RBM47: variants seen among roughly 807,000 people sequenced by gnomAD.
RBM47 encodes RNA binding motif protein 47.
Under a neutral mutation model 47.1 loss-of-function variants are expected in RBM47, and 21 were observed. That is an observed-to-expected ratio of 0.45 (90% CI 0.32 to 0.64). The LOEUF (loss-of-function observed/expected upper bound fraction) is 0.64. RBM47 is among the 30% of genes least tolerant of loss of function. The pLI, the probability that RBM47 is intolerant of heterozygous loss-of-function variation, is 0.05. For missense variants in RBM47, 708 were observed against 870.9 expected (o/e 0.81, Z 2.35); for synonymous variants, 375 against 361.7 (o/e 1.04, Z -0.42).
At chr4:40,612,253 C>T (rs368368848) in intron 1 of RBM47, among the ~76,000 whole-genome samples, 1 of 152,104 alleles carries the variant, frequency 6.6e-6, no homozygotes, top group South Asian at 2.1e-4. Context: ...GTTAGATGGC[C>T]GGGTGCAGTG....
At chr4:40,536,461 T>G (rs984671848) in intron 2 of RBM47, among the ~76,000 whole-genome samples, 1 of 152,212 alleles carries the variant, frequency 6.6e-6, no homozygotes, top group African/African-American at 2.4e-5. Flanking sequence ...GAGTATTCTC[T>G]TTGCTTTCTA....
At chr4:40,482,341 C>T (rs1720547555) in intron 2 of RBM47, among the ~76,000 whole-genome samples, 1 of 152,096 alleles carries the variant, frequency 6.6e-6, no homozygotes, top group Admixed American at 6.5e-5. Flanking sequence ...ACAACCTCCG[C>T]CTCCCCGGTT....
chr4:40,529,926 AC>A lies in RBM47; in HGVS notation c.-155+14495del, dbSNP rs1317191474. On this transcript the variant is annotated intron_variant, in intron 2 of 6. Transcript: ENST00000295971. ...TCACGATGGATTTTAAGGATATTAG[AC>A]CCCCTTTTTTTTTTTTTTTTTTTTT... 2.5e-3 allele frequency among the ~76,000 whole-genome samples: 352 copies of A among 143,132 alleles called. 4 individuals carry two copies. The highest frequency in any genetic ancestry group is 8.9e-3 in the African/African-American group (337 of 37,784). 93.9% of individuals were successfully genotyped at this position (143,132 alleles called of 152,430 possible).
intron 1 of RBM47, among the ~76,000 whole-genome samples, chr4:40,592,952 TATATATATATATATATATATATATATA>T (rs1163047313): frequency 6.3e-3 from 66 of 10,524 alleles, no homozygotes; most frequent in African/African-American, 0.016. Flanking sequence ...TATATATATA[TATATATATATATATATATATATATATA>T]TTTTTTTTTT....
In RBM47 at chr4:40,428,768, C is replaced by T. The variant is rs186739144; in HGVS notation, c.1543-2625G>A. Among the ~76,000 whole-genome samples the T allele has an allele frequency of 3.2e-3, 482 of 152,232 alleles. 2 individuals are homozygous for T. Among genetic ancestry groups the T allele is most frequent in the Middle Eastern group, 0.027 (8 of 294 alleles). On this transcript the variant is annotated intron_variant, in intron 6 of 6. Transcript: ENST00000295971. Reference sequence around the variant, plus strand: ...GCTTCTCTTTTCATTCATGTGATGTCCCTTTTATGATAGCATTCACCACAC... The same window carrying T: ...GCTTCTCTTTTCATTCATGTGATGTTCCTTTTATGATAGCATTCACCACAC...
chr4:40,507,827 A>G (rs1226447085), intron 2 of RBM47, among the ~76,000 whole-genome samples: 2 of 151,982 alleles, frequency 1.3e-5, no homozygotes, highest in African/African-American at 2.4e-5. Context: ...AAAACAAAAC[A>G]AATTTGAAGG....
intron 3 of RBM47, among the ~76,000 whole-genome samples, chr4:40,440,662 C>G (rs1379060748): frequency 6.6e-6 from 1 of 152,204 alleles, no homozygotes; most frequent in Non-Finnish European, 1.5e-5. Context: ...AAGTATGTGG[C>G]TTCTGGAGCC....
At chr4:40,537,518 C>G (rs543289385) in intron 2 of RBM47, among the ~76,000 whole-genome samples, 3 of 151,774 alleles carry the variant, frequency 2.0e-5, no homozygotes, top group East Asian at 3.9e-4. Flanking sequence ...TCCCAAAGTG[C>G]TGGGATTCCA....
At chr4:40,610,385 G>C (rs764072049) in intron 1 of RBM47, among the ~76,000 whole-genome samples, 2 of 152,022 alleles carry the variant, frequency 1.3e-5, no homozygotes, top group Non-Finnish European at 2.9e-5. Flanking sequence ...CACTTTGGGA[G>C]GCCGAGGCAG....
chr4:40,505,154 C>CA (rs1235694489), intron 2 of RBM47, among the ~76,000 whole-genome samples: 1 of 152,054 alleles, frequency 6.6e-6, no homozygotes, highest in Non-Finnish European at 1.5e-5. Context: ...TGCACCACTG[C>CA]ATTCCAGACT....
intron 4 of RBM47, among the ~76,000 whole-genome samples, chr4:40,437,462 C>T (rs1180124420): frequency 1.3e-5 from 2 of 152,062 alleles, no homozygotes; most frequent in Admixed American, 1.3e-4. Context: ...CAGGTTTTAA[C>T]GTAAGCACCA....
At chr4:40,597,274 T>A (rs1486883016) in intron 1 of RBM47, among the ~76,000 whole-genome samples, 4 of 139,014 alleles carry the variant, frequency 2.9e-5, no homozygotes, top group African/African-American at 8.0e-5. Context: ...AAAAAAATAG[T>A]TTTAGTTTAT....
At position 40,438,614 on chromosome 4, in the gene RBM47, C is replaced by G; in HGVS notation, c.280G>C (p.Val94Leu). The G allele has an allele frequency of 6.2e-7, 1 of 1,613,654 alleles. No individual in the cohort carries two copies. Among genetic ancestry groups the G allele is most frequent in the South Asian group, 1.1e-5 (1 of 91,082 alleles). The change falls in exon 4 of 7, where the codon GTG (valine) becomes CTG (leucine). Residue 94 changes from valine to leucine, a missense_variant. By Grantham distance (32) the Val-to-Leu change is conservative (BLOSUM62 1). Coordinates refer to ENST00000295971, the MANE Select transcript of RBM47 (RefSeq NM_001098634.2). ...AGGCGCAGCTCGTAGATGCGGCCCA[C>G]GGCCTCGAACACGGGCACCAGCTCG... is the stretch of plus-strand genomic sequence containing the variant. ...EDELVPVFEA[V>L]GRIYELRLMM...
At chr4:40,554,933 T>C (rs950318688) in intron 1 of RBM47, among the ~76,000 whole-genome samples, 1 of 151,972 alleles carries the variant, frequency 6.6e-6, no homozygotes, top group African/African-American at 2.4e-5. Flanking sequence ...AGCTAATTTT[T>C]GGTTTTTTGT....
At chr4:40,568,223 C>G (rs116260051) in intron 1 of RBM47, among the ~76,000 whole-genome samples, 2,548 of 151,486 alleles carry the variant, frequency 0.017, 71 homozygotes, top group African/African-American at 0.054. Flanking sequence ...CTCAGAAGTT[C>G]GAGACCAGCC....
intron 6 of RBM47, among the ~76,000 whole-genome samples, chr4:40,431,572 G>A (rs900247590): frequency 5.9e-5 from 9 of 151,824 alleles, no homozygotes; most frequent in Non-Finnish European, 7.4e-5. Context: ...GCAGGAGAAT[G>A]GCGTGAACCT....
rs375591976 is a variant in RBM47 at position 40,581,434 on chromosome 4, T to TAATAAATAAATAAATAAATA, written c.-239-36948_-239-36929dup. 5.1e-3 allele frequency among the ~76,000 whole-genome samples: 716 copies of TAATAAATAAATAAATAAATA among 139,030 alleles called. 2 individuals carry two copies. The highest frequency in any genetic ancestry group is 7.2e-3 in the Non-Finnish European group (474 of 65,404). 91.2% of individuals were successfully genotyped at this position (139,030 alleles called of 152,430 possible). ...AGAACTTGTCTCAAAAAAAAAGTAA[T>TAATAAATAAATAAATAAATA]AATAAATAAATAAATAAATAAATAA... is the stretch of plus-strand genomic sequence containing the variant. On this transcript the variant is annotated intron_variant, in intron 1 of 6. Coordinates refer to ENST00000295971, the MANE Select transcript of RBM47 (RefSeq NM_001098634.2).
At chr4:40,593,181 G>A (rs1184371346) in intron 1 of RBM47, among the ~76,000 whole-genome samples, 1 of 148,348 alleles carries the variant, frequency 6.7e-6, no homozygotes, top group Non-Finnish European at 1.5e-5. Context: ...TGTATTTTTA[G>A]TAGAGACGGG....
At chr4:40,495,741 A>C (rs1560418805) in intron 2 of RBM47, among the ~76,000 whole-genome samples, 1 of 152,226 alleles carries the variant, frequency 6.6e-6, no homozygotes, top group Non-Finnish European at 1.5e-5. Flanking sequence ...GCTAGCACTC[A>C]GACTGAAAAT....
Sources: gnomAD v4.1 joint callset for allele counts (sites outside exome capture counted in the v4.1 genomes callset) on GRCh38, gnomAD v4.1.1 for gene constraint, MANE v1.5 for transcripts, NCBI Gene and HGNC (gene_info 2026-07-23, HGNC 2026-07-21) for gene names.